The following MCTP2 variants were observed in gnomAD, a reference collection of about 807,000 sequenced individuals.
The protein encoded by MCTP2 is multiple C2 and transmembrane domain-containing protein 2.
In MCTP2, 132 loss-of-function variants were observed where a neutral mutation model predicts 111.6. The ratio of observed to expected loss-of-function variants is 1.18; its 90% CI spans 1.03 to 1.37. MCTP2 has a LOEUF of 1.37. Ranked by LOEUF, MCTP2 falls within the 40% of genes most tolerant of loss-of-function variation. The pLI is 0.00. For synonymous variants in MCTP2, 395 were observed against 387.7 expected, an observed-to-expected ratio of 1.02 and a Z score of -0.22; for missense variants, 1,183 against 1,067.9, an observed-to-expected ratio of 1.11 and a Z score of -1.50.
At chr15:94,256,382 G>C (rs554292379) in intron 1 of MCTP2, among the ~76,000 whole-genome samples, 15 of 152,184 alleles carry the variant, frequency 9.9e-5, no homozygotes, top group South Asian at 8.3e-4. Flanking sequence ...TTGAATAAGG[G>C]ATACTCAACC....
At chr15:94,346,744 G>A (rs1449116599) in intron 8 of MCTP2, among the ~76,000 whole-genome samples, 2 of 152,112 alleles carry the variant, frequency 1.3e-5, no homozygotes, top group African/African-American at 2.4e-5. Flanking sequence ...GTCTAGGGAG[G>A]ACAGGAGAGG....
At chr15:94,316,410 A>G (rs1369281503) in intron 4 of MCTP2, among the ~76,000 whole-genome samples, 2 of 152,216 alleles carry the variant, frequency 1.3e-5, no homozygotes, top group Non-Finnish European at 2.9e-5. Flanking sequence ...CATGTGGTTA[A>G]GAGCAGACAG....
intron 19 of MCTP2, among the ~76,000 whole-genome samples, chr15:94,456,620 TAGAGTA>T (rs1430657665): frequency 6.6e-6 from 1 of 152,170 alleles, no homozygotes; most frequent in Non-Finnish European, 1.5e-5. Context: ...ACTGAGGAAT[TAGAGTA>T]AGGGAAAAAA....
chr15:94,442,901 C>G lies in MCTP2; in HGVS notation c.2209-18C>G. ...ATTTCGGTTGATGTTTCTATAAACA[C>G]GTGGGATTTCCTTTCAGGAGAGCAC... On this transcript the variant is annotated intron_variant, in intron 18 of 22. Coordinates refer to ENST00000357742, the MANE Select transcript of MCTP2 (RefSeq NM_001385001.1). 6.2e-7 allele frequency: 1 copy of G among 1,610,426 alleles called. No individual in the cohort carries two copies. The highest frequency in any genetic ancestry group is 8.5e-7 in the Non-Finnish European group (1 of 1,177,456).
At chr15:94,293,988 AG>A (rs2075144413) in intron 1 of MCTP2, among the ~76,000 whole-genome samples, 1 of 152,194 alleles carries the variant, frequency 6.6e-6, no homozygotes, top group African/African-American at 2.4e-5. Flanking sequence ...AGGGGTAAAT[AG>A]ATTAATTGTG....
At chr15:94,471,399 T>G (rs1262599141) in intron 21 of MCTP2, among the ~76,000 whole-genome samples, 2 of 152,204 alleles carry the variant, frequency 1.3e-5, no homozygotes, top group Admixed American at 1.3e-4. Context: ...GGATGAAAGC[T>G]ACAACCTTTC....
chr15:94,350,769 T>C (rs2152417857), intron 8 of MCTP2, among the ~76,000 whole-genome samples: 1 of 152,316 alleles, frequency 6.6e-6, no homozygotes, highest in South Asian at 2.1e-4. Flanking sequence ...TACAAGACGA[T>C]TAATACTATT....
chr15:94,318,097 C>A (rs767068554), intron 4 of MCTP2, among the ~76,000 whole-genome samples: 2 of 151,990 alleles, frequency 1.3e-5, no homozygotes, highest in African/African-American at 4.8e-5. Flanking sequence ...TACCCTGATC[C>A]GGCACAGTGT....
At chr15:94,392,901 T>C (rs1179581155) in intron 14 of MCTP2, among the ~76,000 whole-genome samples, 1 of 152,118 alleles carries the variant, frequency 6.6e-6, no homozygotes, top group Non-Finnish European at 1.5e-5. Context: ...CATCTTTAAA[T>C]TGATAATAGT....
intron 1 of MCTP2, among the ~76,000 whole-genome samples, chr15:94,244,704 A>G (rs891082460): frequency 3.3e-5 from 5 of 149,342 alleles, no homozygotes; most frequent in Admixed American, 6.6e-5. Context: ...GTATACACAT[A>G]CATATGCACC....
chr15:94,309,860 T>C (rs926081704), intron 2 of MCTP2, among the ~76,000 whole-genome samples: 1 of 152,066 alleles, frequency 6.6e-6, no homozygotes, highest in Admixed American at 6.5e-5. Flanking sequence ...AAAACACAAA[T>C]GAAAAACACT....
At chr15:94,476,550 C>G in intron 21 of MCTP2, 146 bp from the exon 22 acceptor site, 1 of 534,514 alleles carries the variant, frequency 1.9e-6, no homozygotes, top group Non-Finnish European at 3.3e-6. Flanking sequence ...TCCCCTCTCC[C>G]CCGAGTCAGG....
intron 17 of MCTP2, among the ~76,000 whole-genome samples, chr15:94,410,497 G>A (rs188205694): frequency 1.2e-4 from 19 of 152,042 alleles, no homozygotes; most frequent in African/African-American, 4.1e-4. Context: ...AGACAGAGGC[G>A]GAGTTTGAGT....
intron 21 of MCTP2, among the ~76,000 whole-genome samples, chr15:94,471,144 GCT>G (rs2073893208): frequency 6.6e-6 from 1 of 152,186 alleles, no homozygotes; most frequent in South Asian, 2.1e-4. Flanking sequence ...TCCTGGGTGG[GCT>G]CTGAGTTGAT....
chr15:94,347,425 T>A (rs1161134809), intron 8 of MCTP2, among the ~76,000 whole-genome samples: 1 of 152,166 alleles, frequency 6.6e-6, no homozygotes, highest in Non-Finnish European at 1.5e-5. Context: ...ACCTGAATCT[T>A]TTTCTTATAA....
chr15:94,387,114 C>CCCTTCCTCCTTCCTCCTTCCT (rs369111644), intron 14 of MCTP2, among the ~76,000 whole-genome samples: 1 of 151,654 alleles, frequency 6.6e-6, no homozygotes, highest in African/African-American at 2.4e-5. Context: ...TTCCTCTCCT[C>CCCTTCCTCCTTCCTCCTTCCT]CCTTCCTCCT....
intron 17 of MCTP2, among the ~76,000 whole-genome samples, chr15:94,404,581 G>T (rs1288797365): frequency 6.6e-6 from 1 of 152,140 alleles, no homozygotes; most frequent in Non-Finnish European, 1.5e-5. Context: ...TTACAGGCTT[G>T]AGCCACCGCA....
At chr15:94,371,509 C>T (rs1596497133) in intron 12 of MCTP2, among the ~76,000 whole-genome samples, 1 of 152,112 alleles carries the variant, frequency 6.6e-6, no homozygotes, top group African/African-American at 2.4e-5. Flanking sequence ...TTCGAATGCA[C>T]TGTTGTTTTT....
At chr15:94,237,979 CTT>C (rs1401894966) in intron 1 of MCTP2, among the ~76,000 whole-genome samples, 1 of 152,112 alleles carries the variant, frequency 6.6e-6, no homozygotes, top group Non-Finnish European at 1.5e-5. Context: ...GCCCCGCGCA[CTT>C]TGAGTTGTCA....
Sources: gnomAD v4.1 joint callset for allele counts (sites outside exome capture counted in the v4.1 genomes callset) on GRCh38, gnomAD v4.1.1 for gene constraint, MANE v1.5 for transcripts, NCBI Gene and HGNC (gene_info 2026-07-23, HGNC 2026-07-21) for gene names.